Variants in DDX20 observed in about 807,000 individuals in gnomAD.
DDX20 encodes the protein probable ATP-dependent RNA helicase DDX20.
In DDX20, 61 loss-of-function variants were observed where a neutral mutation model predicts 76.4. That is an observed-to-expected ratio of 0.80 (90% CI 0.65 to 0.99). The LOEUF is 0.99. Among genes scored for constraint, DDX20 ranks in the 50% least tolerant of loss-of-function variants. The probability of loss-of-function intolerance (pLI) is 0.00; values close to 1 mark genes in which losing one functional copy is unlikely to be tolerated. For synonymous variants in DDX20, 357 were observed against 357.4 expected (o/e 1.00, Z 0.01); for missense variants, 976 against 996.8 (o/e 0.98, Z 0.28).
At chr1:111,762,424 T>G in intron 8 of DDX20, 87 bp downstream of exon 8, 1 of 1,078,936 alleles carries the variant, frequency 9.3e-7, no homozygotes, top group South Asian at 1.4e-5. Context: ...TTATTTTATG[T>G]AGGCGTATCT....
chr1:111,756,394 T>C (rs565729927), intron 1 of DDX20, among the ~76,000 whole-genome samples, 169 bp downstream of exon 1: 1 of 152,310 alleles, frequency 6.6e-6, no homozygotes, highest in African/African-American at 2.4e-5. Flanking sequence ...TTTGTAAAAC[T>C]AACGTGCACT....
chr1:111,766,626 C>T lies in DDX20; in HGVS notation c.2202C>T (p.Ser734=). The stretch of plus-strand genomic sequence containing the variant: ...GGGCTAGCCAGAGAGCTAAGCAGAG[C>T]CGGAGAAACCTACCCAGGCGGTCTT... ...KEGASQRAKQ[S]RRNLPRRSSF... Residue 734 remains serine, a synonymous_variant, in exon 11 of 11, where the codon AGC becomes AGT. Transcript: ENST00000369702. The T allele has an allele frequency of 6.2e-7, 1 of 1,614,146 alleles. No individual in the cohort carries two copies. The highest frequency in any genetic ancestry group is 8.5e-7 in the Non-Finnish European group (1 of 1,180,026).
rs1431141048 is a variant in DDX20 at position 111,755,905 on chromosome 1, G to A, written c.-20G>A. 1.3e-6 allele frequency: 2 copies of A among 1,565,704 alleles called. No homozygotes were observed. The highest frequency in any genetic ancestry group is 1.7e-6 in the Non-Finnish European group (2 of 1,152,082). On this transcript the variant is annotated 5_prime_UTR_variant, in exon 1 of 11. Coordinates refer to ENST00000369702, the MANE Select transcript of DDX20 (RefSeq NM_007204.5). ...CCCCGCCTCCCCTTAAGCACCGCGAGATCTGACGGCGCGGCTACCATGGCG... is the reference window on the plus strand; with the variant it reads ...CCCCGCCTCCCCTTAAGCACCGCGAAATCTGACGGCGCGGCTACCATGGCG...
chr1:111,759,039 T>C (rs1008190207), intron 2 of DDX20, among the ~76,000 whole-genome samples: 1 of 152,168 alleles, frequency 6.6e-6, no homozygotes, highest in African/African-American at 2.4e-5. Context: ...TAAAAAATAA[T>C]ACAACAATCA....
chr1:111,760,440 A>G, intron 3 of DDX20, 34 bp from the exon 4 acceptor site: 1 of 1,407,840 alleles, frequency 7.1e-7, no homozygotes, highest in Non-Finnish European at 9.8e-7. Flanking sequence ...AATTTGGTAC[A>G]TCATAAATAT....
chr1:111,757,061 G>GTTT (rs35450202), intron 2 of DDX20, among the ~76,000 whole-genome samples: 3 of 144,966 alleles, frequency 2.1e-5, no homozygotes, highest in African/African-American at 7.5e-5. Context: ...TGCAGAGTTT[G>GTTT]TTTTTTTTTT....
Position 111,764,481 on chromosome 1 carries a change from C to G in DDX20, c.1313-1256C>G, listed in dbSNP as rs889469740. 2.6e-5 allele frequency among the ~76,000 whole-genome samples: 4 copies of G among 152,242 alleles called. No homozygotes were observed. The East Asian group carries it at 7.7e-4, about 29-fold the overall frequency. On this transcript the variant is annotated intron_variant, in intron 10 of 10. Coordinates refer to ENST00000369702, the MANE Select transcript of DDX20 (RefSeq NM_007204.5). ...TAATAACTCATTTTATGATCTTTTACAAATCTCTGTAATTGCTGTAAGCTT... is the reference window on the plus strand; with the variant it reads ...TAATAACTCATTTTATGATCTTTTAGAAATCTCTGTAATTGCTGTAAGCTT...
chr1:111,765,222 G>GT (rs1018289406), intron 10 of DDX20, among the ~76,000 whole-genome samples: 30 of 152,300 alleles, frequency 2.0e-4, no homozygotes, highest in African/African-American at 7.2e-4. Flanking sequence ...TAGTCATCTA[G>GT]TTTTTTCCCC....
intron 2 of DDX20, among the ~76,000 whole-genome samples, chr1:111,757,435 T>C (rs1406035500): frequency 6.6e-6 from 1 of 152,206 alleles, no homozygotes; most frequent in African/African-American, 2.4e-5. Context: ...AAGATTGCCT[T>C]ACCCAAATTA....
chr1:111,760,064 T>A (rs1297577733), intron 3 of DDX20, among the ~76,000 whole-genome samples: 1 of 151,572 alleles, frequency 6.6e-6, no homozygotes, highest in African/African-American at 2.4e-5. Flanking sequence ...TTATGAAATC[T>A]CCATTCCTAA....
Position 111,756,076 on chromosome 1 carries a change from C to T in DDX20, c.152C>T (p.Thr51Ile). ...GCTCAGGATCTCAGCAGCCCGCGGA[C>T]CCGCACGGGGGATGTGCTGTTGGCG... Reference protein sequence around the residue: ...RTAQDLSSPRTRTGDVLLAEP... With the variant: ...RTAQDLSSPRIRTGDVLLAEP... Residue 51 changes from threonine (T) to isoleucine (I), a missense_variant, in exon 1 of 11, where the codon ACC becomes ATC. Transcript: ENST00000369702. 1.2e-6 allele frequency: 2 copies of T among 1,606,532 alleles called. No homozygotes were observed. The highest frequency in any genetic ancestry group is 1.7e-6 in the Non-Finnish European group (2 of 1,179,332).
At position 111,766,329 on chromosome 1, in the gene DDX20, T is replaced by C. The variant is rs1364231802; in HGVS notation, c.1905T>C (p.Val635=). The change falls in exon 11 of 11, where the codon GTT becomes GTC. Residue 635 remains valine, a synonymous_variant. Coordinates refer to ENST00000369702, the MANE Select transcript of DDX20 (RefSeq NM_007204.5). ...AAAATGGTTTTGTGAGAAATAAAGT[T>C]ATTGAACAGAGAGTCCCTGTGTTGG... The part of the protein sequence containing the change: ...NPQNGFVRNK[V]IEQRVPVLAS... 6.2e-7 allele frequency: 1 copy of C among 1,614,134 alleles called. No homozygotes were observed. Among genetic ancestry groups the C allele is most frequent in the Admixed American group, 1.7e-5 (1 of 60,026 alleles).
intron 3 of DDX20, among the ~76,000 whole-genome samples, chr1:111,759,961 G>C (rs1201716968): frequency 8.0e-6 from 1 of 125,648 alleles, no homozygotes; most frequent in Admixed American, 9.0e-5. Context: ...GTGACAGAGC[G>C]AGACTCCATC....
rs1663782067 is a variant in DDX20, at chr1:111,766,476, C to T, written c.2052C>T (p.Asp684=). ...GCTCTTCTGATAATCAGCTGAAAGACTCTGAATCTACGCCTGTGGATGATC... is the reference window on the plus strand; with the variant it reads ...GCTCTTCTGATAATCAGCTGAAAGATTCTGAATCTACGCCTGTGGATGATC... The part of the protein sequence containing the change: ...LEGSSDNQLK[D]SESTPVDDRI... The change falls in exon 11 of 11, where the codon GAC becomes GAT. Residue 684 remains aspartate (D), a synonymous_variant. Coordinates refer to ENST00000369702, the MANE Select transcript of DDX20 (RefSeq NM_007204.5). 5.0e-6 allele frequency: 8 copies of T among 1,614,058 alleles called. No homozygotes were observed. Among genetic ancestry groups the T allele is most frequent in the Non-Finnish European group, 6.8e-6 (8 of 1,180,030 alleles).
At position 111,761,018 on chromosome 1, in the gene DDX20, A is replaced by G. The variant is rs1663663792; in HGVS notation, c.855A>G (p.Ser285=). The G allele has an allele frequency of 6.2e-7, 1 of 1,613,828 alleles. No individual in the cohort carries two copies. Among genetic ancestry groups the G allele is most frequent in the African/African-American group, 1.3e-5 (1 of 74,934 alleles). Reference sequence around the variant, plus strand: ...AGCAGTATTACAAAGTTGTCAATTCATACCCTTTGGCACATAAGGTTTTTG... The same window carrying G: ...AGCAGTATTACAAAGTTGTCAATTCGTACCCTTTGGCACATAAGGTTTTTG... ...GLKQYYKVVN[S]YPLAHKVFEE... Residue 285 remains serine, a synonymous_variant, in exon 6 of 11, where the codon TCA becomes TCG. Transcript: ENST00000369702.
intron 1 of DDX20, 43 bp downstream of exon 1, chr1:111,756,268 G>T: frequency 4.2e-5 from 31 of 739,066 alleles, no homozygotes; most frequent in Middle Eastern, 4.4e-4. Context: ...TGGGGTGGGA[G>T]AAGGGGGACC....
intron 3 of DDX20, 101 bp from the exon 4 acceptor site, chr1:111,760,373 C>G: frequency 1.2e-6 from 1 of 806,400 alleles, no homozygotes; most frequent in South Asian, 1.8e-5. Context: ...TCAGGAAATT[C>G]AGCAGAACAA....
rs1420813958 is a variant in DDX20, at chr1:111,766,783, T to G, written c.2359T>G (p.Tyr787Asp). The G allele has an allele frequency of 1.2e-6, 2 of 1,614,164 alleles. No homozygotes were observed. The highest frequency in any genetic ancestry group is 8.5e-7 in the Non-Finnish European group (1 of 1,179,980). Residue 787 changes from tyrosine to aspartate, a missense_variant, in exon 11 of 11, where the codon TAT (tyrosine) becomes GAT (aspartate). Physicochemically the swap from Tyr to Asp is radical, Grantham distance 160. Coordinates refer to ENST00000369702, the MANE Select transcript of DDX20 (RefSeq NM_007204.5). Reference protein sequence around the residue: ...WRAYYRAWQEYYAAASHSYYW... With the variant: ...WRAYYRAWQEDYAAASHSYYW... Reference sequence around the variant, plus strand: ...AGCTTACTACAGGGCATGGCAAGAATATTATGCTGCCGCTTCTCATTCATA... The same window carrying G: ...AGCTTACTACAGGGCATGGCAAGAAGATTATGCTGCCGCTTCTCATTCATA...
chr1:111,764,377 G>A (rs781678109), intron 10 of DDX20, among the ~76,000 whole-genome samples: 17 of 152,248 alleles, frequency 1.1e-4, no homozygotes, highest in Admixed American at 2.6e-4. Flanking sequence ...GTATTTTACC[G>A]ACTTTATATT....
Sources: allele counts gnomAD v4.1 joint callset (sites outside exome capture counted in the v4.1 genomes callset), GRCh38; gene constraint gnomAD v4.1.1; transcripts MANE v1.5; gene names NCBI Gene and HGNC (gene_info 2026-07-23, HGNC 2026-07-21).